The following INTS7 variants were observed in gnomAD, a reference collection of about 807,000 sequenced individuals.
INTS7 encodes integrator complex subunit 7.
Under a neutral mutation model 109.2 loss-of-function variants are expected in INTS7, and 46 were observed. That is an observed-to-expected ratio of 0.42 (90% CI 0.33 to 0.54). The LOEUF is 0.54. Among genes scored for constraint, INTS7 ranks in the 20% least tolerant of loss-of-function variants. The pLI is 0.07. For missense variants in INTS7, 929 were observed against 1,132.4 expected (o/e 0.82, Z 2.58); for synonymous variants, 412 against 402.9 (o/e 1.02, Z -0.27).
At chr1:212,016,424 A>C (rs1458521074) in intron 4 of INTS7, among the ~76,000 whole-genome samples, 1 of 152,244 alleles carries the variant, frequency 6.6e-6, no homozygotes, top group Non-Finnish European at 1.5e-5. Flanking sequence ...CTGTTCTGTA[A>C]AACAACAGTG....
rs773369677 is a variant in INTS7 at position 211,978,311 on chromosome 1, C to G, written c.1431G>C (p.Val477=). The change falls in exon 11 of 20, where the codon GTG becomes GTC. Residue 477 remains valine (V), a synonymous_variant. Transcript: ENST00000366994. The stretch of plus-strand genomic sequence containing the variant: ...GCTTGTCTGTGGCTGATCGTCCAAT[C>G]ACCTTGTACAGCTCCATGAGGTCAC... ...MLGDLMELYK[V]IGRSATDKQQ... The G allele has an allele frequency of 1.2e-5, 20 of 1,614,076 alleles. No homozygotes were observed. In the Middle Eastern group the frequency reaches 8.2e-4, roughly 66 times the overall value.
chr1:211,982,062 T>C (rs1664693795), intron 9 of INTS7, among the ~76,000 whole-genome samples: 1 of 152,158 alleles, frequency 6.6e-6, no homozygotes, highest in Non-Finnish European at 1.5e-5. Flanking sequence ...TTGTAATCCT[T>C]AATGAAGATC....
At chr1:212,034,765 TTAACTCAGTGTA>T (rs1430737548) in intron 1 of INTS7, among the ~76,000 whole-genome samples, 22 of 152,254 alleles carry the variant, frequency 1.4e-4, no homozygotes, top group Non-Finnish European at 2.6e-4. Flanking sequence ...GCATTGAAAC[TTAACTCAGTGTA>T]ACCCCAAAGC....
At position 211,987,947 on chromosome 1, in the gene INTS7, C is replaced by T; in HGVS notation, c.936G>A (p.Leu312=). The T allele has an allele frequency of 1.2e-6, 2 of 1,613,082 alleles. No individual in the cohort carries two copies. The highest frequency in any genetic ancestry group is 1.7e-6 in the Non-Finnish European group (2 of 1,179,222). ...TCCCTGATAGTGTGGAAAGGACAGA[C>T]AACATCCCTAGTTTTAAGCTGTCAT... ...TPYDSLKLGM[L]SVLSTLSGTI... The change falls in exon 8 of 20, where the codon TTG becomes TTA. Residue 312 remains leucine, a synonymous_variant. Coordinates refer to ENST00000366994, the MANE Select transcript of INTS7 (RefSeq NM_015434.4).
At chr1:211,951,757 TC>T (rs1663102257) in intron 17 of INTS7, among the ~76,000 whole-genome samples, 1 of 152,232 alleles carries the variant, frequency 6.6e-6, no homozygotes, top group Non-Finnish European at 1.5e-5. Context: ...TACTGGACTT[TC>T]CTGCCTCCAA....
chr1:211,974,254 C>A (rs1315425108), intron 13 of INTS7, among the ~76,000 whole-genome samples: 8 of 122,654 alleles, frequency 6.5e-5, no homozygotes, highest in African/African-American at 2.4e-4. Context: ...TAGGAAACAA[C>A]AATCTCTTCC....
intron 1 of INTS7, among the ~76,000 whole-genome samples, chr1:212,022,864 C>T (rs1281395006): frequency 6.6e-6 from 1 of 152,064 alleles, no homozygotes; most frequent in Non-Finnish European, 1.5e-5. Flanking sequence ...GAGCATAGTA[C>T]CCAATAAGCA....
In INTS7 at chr1:212,011,427, GA is replaced by G; in HGVS notation, c.510-7del. 1 of 1,567,172 alleles carries G rather than the reference GA, an allele frequency of 6.4e-7. No homozygotes were observed. Among genetic ancestry groups the G allele is most frequent in the Non-Finnish European group, 8.7e-7 (1 of 1,145,238 alleles). On this transcript the variant is annotated splice_region_variant and splice_polypyrimidine_tract_variant and intron_variant, in intron 4 of 19. Transcript: ENST00000366994. ...AGATTCCTACAGCAAAATCCCTTTG[GA>G]AAAAGAGAACAGAGAACAGAAAAAA...
At position 211,975,329 on chromosome 1, in the gene INTS7, G is replaced by A; in HGVS notation, c.1652C>T (p.Thr551Ile). The A allele has an allele frequency of 4.3e-6, 7 of 1,614,028 alleles. No individual in the cohort carries two copies. Among genetic ancestry groups the A allele is most frequent in the Non-Finnish European group, 5.9e-6 (7 of 1,179,956 alleles). Residue 551 changes from threonine (T) to isoleucine (I), a missense_variant, in exon 13 of 20, where the codon ACT becomes ATT. Coordinates refer to ENST00000366994, the MANE Select transcript of INTS7 (RefSeq NM_015434.4). ...MAKELYQSLL[T>I]QVASEHFYFW... ...GTAGAAATGTTCTGAGGCAACCTGA[G>A]TCAGCAAACTCTGATAAAGCTCTTT...
Position 211,946,815 on chromosome 1 carries a change from A to G in INTS7, c.2317-110T>C. On this transcript the variant is annotated intron_variant, in intron 17 of 19. Transcript: ENST00000366994. The surrounding 1 kb of genome is among the most constrained non-coding windows in gnomAD (Gnocchi z 4.3). ...TGCCCATATAGATTATTACAAAGGT[A>G]CATACCAATCAAGAACTAGGCATCA... The G allele has an allele frequency of 1.5e-6, 1 of 645,790 alleles. No homozygotes were observed. Among genetic ancestry groups the G allele is most frequent in the Non-Finnish European group, 2.6e-6 (1 of 382,154 alleles). The allele number at this position is 645,790 out of a possible 1,614,324, so 40.0% of individuals were successfully genotyped here.
At chr1:211,997,380 AC>A (rs1486230765) in intron 7 of INTS7, among the ~76,000 whole-genome samples, 7 of 151,996 alleles carry the variant, frequency 4.6e-5, no homozygotes, top group Admixed American at 4.6e-4. Flanking sequence ...TACCAGCAAT[AC>A]AAAAATTAGA....
At chr1:212,025,942 G>A (rs977562479) in intron 1 of INTS7, among the ~76,000 whole-genome samples, 3 of 152,086 alleles carry the variant, frequency 2.0e-5, no homozygotes, top group Non-Finnish European at 4.4e-5. Context: ...GATCACCTGA[G>A]GCCAGGAGTT....
At chr1:211,987,577 T>C (rs905534182) in intron 8 of INTS7, among the ~76,000 whole-genome samples, 4 of 152,138 alleles carry the variant, frequency 2.6e-5, no homozygotes, top group Admixed American at 6.5e-5. Flanking sequence ...AAAGGGCACT[T>C]TGAGTCAGAG....
At chr1:211,993,307 T>G (rs1235746575) in intron 7 of INTS7, among the ~76,000 whole-genome samples, 1 of 152,144 alleles carries the variant, frequency 6.6e-6, no homozygotes, top group Non-Finnish European at 1.5e-5. Flanking sequence ...AAAATAAAAT[T>G]TACATCTTTG....
At chr1:211,960,151 C>T (rs1340267990) in intron 16 of INTS7, among the ~76,000 whole-genome samples, 1 of 152,160 alleles carries the variant, frequency 6.6e-6, no homozygotes, top group African/African-American at 2.4e-5. Flanking sequence ...AAAGTTGAGG[C>T]TCATATCAGT....
intron 3 of INTS7, 134 bp downstream of exon 3, chr1:212,019,988 T>G (rs546104200): frequency 1.3e-3 from 707 of 553,834 alleles, no homozygotes; most frequent in Admixed American, 1.8e-3. Context: ...TATCACAGTT[T>G]TGCCTTGACT....
intron 16 of INTS7, among the ~76,000 whole-genome samples, chr1:211,961,650 A>C (rs1028476978): frequency 6.6e-6 from 1 of 152,040 alleles, no homozygotes; most frequent in Non-Finnish European, 1.5e-5. Flanking sequence ...GCTGGTCTCA[A>C]ACTCTTGACC....
chr1:211,979,327 A>G (rs1398333040), intron 10 of INTS7, among the ~76,000 whole-genome samples: 1 of 152,200 alleles, frequency 6.6e-6, no homozygotes, highest in Non-Finnish European at 1.5e-5. Flanking sequence ...AGGCACACAC[A>G]TAACTTTAGA....
rs751521521 is a variant in INTS7, at chr1:211,944,775, C to G, written c.2601+9G>C. 1.9e-6 allele frequency: 3 copies of G among 1,609,256 alleles called. No individual in the cohort carries two copies. The African/African-American group carries it at 4.0e-5, about 22-fold the overall frequency. On this transcript the variant is annotated intron_variant, in intron 19 of 19. Transcript: ENST00000366994. Reference sequence around the variant, plus strand: ...CCTGTATCACAATTCTGCCTCTTTTCTAAATTACCTTGTAGTCTTGTCCAG... The same window carrying G: ...CCTGTATCACAATTCTGCCTCTTTTGTAAATTACCTTGTAGTCTTGTCCAG...
Sources: gnomAD v4.1 joint callset for allele counts (sites outside exome capture counted in the v4.1 genomes callset) on GRCh38, gnomAD v4.1.1 for gene constraint, Gnocchi (gnomAD v3.1) non-coding constraint, MANE v1.5 for transcripts, NCBI Gene and HGNC (gene_info 2026-07-23, HGNC 2026-07-21) for gene names.